CPSF4L: variants seen among roughly 807,000 people sequenced by gnomAD.
CPSF4L encodes the protein putative cleavage and polyadenylation specificity factor subunit 4-like protein.
In CPSF4L, 18 loss-of-function variants were observed where a neutral mutation model predicts 24.0. The ratio of observed to expected loss-of-function variants is 0.75; its 90% CI spans 0.52 to 1.11. CPSF4L has a LOEUF of 1.11. CPSF4L is among the 50% of genes least tolerant of loss of function. The pLI is 0.00. For synonymous variants in CPSF4L, 72 were observed against 77.2 expected (o/e 0.93, Z 0.35); for missense variants, 211 against 221.8 (o/e 0.95, Z 0.31).
downstream of CPSF4L, chr17:73,247,743 T>G (rs2061971984): frequency 1.2e-5 from 2 of 167,744 alleles, no homozygotes; most frequent in Admixed American, 1.1e-4. Context: ...CCAAGAATTC[T>G]AACTCACATA....
intron 2 of CPSF4L, 33 bp from the exon 3 acceptor site, chr17:73,257,866 C>T: frequency 6.5e-7 from 1 of 1,549,258 alleles, no homozygotes; most frequent in African/African-American, 1.4e-5. Flanking sequence ...CTGGGAGGCC[C>T]CTCATCCACA....
At chr17:73,250,376 G>C in intron 5 of CPSF4L, 8 of 1,514,614 alleles carry the variant, frequency 5.3e-6, no homozygotes, top group Non-Finnish European at 6.3e-6. Flanking sequence ...GGAACCATAG[G>C]AGATGGTTAG....
rs377019161 is a variant in CPSF4L, at chr17:73,257,595, G to A, written c.307+86C>T. ...CAGGGACATGTCCAGCCTCCTCTGC[G>A]TGCCCGCTCCTCTAGAAACCTTCCC... is the stretch of plus-strand genomic sequence containing the variant. On this transcript the variant is annotated intron_variant, in intron 3 of 5. Coordinates refer to ENST00000344935, the MANE Select transcript of CPSF4L (RefSeq NM_001129885.1). 1.0e-4 allele frequency: 144 copies of A among 1,397,580 alleles called. 1 individual carries two copies. The South Asian group carries it at 1.5e-3, about 14-fold the overall frequency. 86.6% of individuals were successfully genotyped at this position (1,397,580 alleles called of 1,614,324 possible).
At chr17:73,252,334 G>A (rs369409450) in intron 5 of CPSF4L, among the ~76,000 whole-genome samples, 26 of 152,194 alleles carry the variant, frequency 1.7e-4, no homozygotes, top group African/African-American at 4.1e-4. Flanking sequence ...TAGCCAGGGC[G>A]TGAGGGAGAA....
At chr17:73,245,385 C>A, downstream of CPSF4L, 1 of 1,249,256 alleles carries the variant, frequency 8.0e-7, no homozygotes, top group Non-Finnish European at 1.0e-6. Context: ...ATAGACAGAT[C>A]TGGTTCTGTC....
rs1229264527 is a variant in CPSF4L, at chr17:73,260,996, G to A, written c.104-13C>T. ...GCTGAGGCCGACTCTGGAAGGAGAAGAGGGAACGGAGAAGGTAGCTTCCCC... is the reference window on the plus strand; with the variant it reads ...GCTGAGGCCGACTCTGGAAGGAGAAAAGGGAACGGAGAAGGTAGCTTCCCC... On this transcript the variant is annotated splice_polypyrimidine_tract_variant and intron_variant, in intron 1 of 5. Coordinates refer to ENST00000344935, the MANE Select transcript of CPSF4L (RefSeq NM_001129885.1). 2 of 1,549,136 alleles carry A rather than the reference G, an allele frequency of 1.3e-6. No individual in the cohort carries two copies. The highest frequency in any genetic ancestry group is 1.7e-6 in the Non-Finnish European group (2 of 1,145,370).
chr17:73,260,621 G>T (rs542492586), intron 2 of CPSF4L, among the ~76,000 whole-genome samples: 2 of 152,224 alleles, frequency 1.3e-5, no homozygotes, highest in Non-Finnish European at 2.9e-5. Context: ...GCAAAAATTA[G>T]CCGGGCTTGG....
In CPSF4L at chr17:73,261,389, T is replaced by C. The variant is rs369379858; in HGVS notation, c.103+327A>G. Among the ~76,000 whole-genome samples, 908 of 152,084 alleles carry C rather than the reference T, an allele frequency of 6.0e-3. 13 individuals are homozygous for C. Among genetic ancestry groups the C allele is most frequent in the East Asian group, 0.019 (100 of 5,168 alleles). On this transcript the variant is annotated intron_variant, in intron 1 of 5. Coordinates refer to ENST00000344935, the MANE Select transcript of CPSF4L (RefSeq NM_001129885.1). ...AAGGAAGGGGGAGGGAGGCTGGGCG[T>C]GGTGGCTCATGCCTGTAATCCCAGC...
At chr17:73,245,207 A>G (rs1244399615), downstream of CPSF4L, 1 of 1,613,408 alleles carries the variant, frequency 6.2e-7, no homozygotes, top group African/African-American at 1.3e-5. Flanking sequence ...CCTGGACATC[A>G]CTTAAAGCTC....
intron 3 of CPSF4L, among the ~76,000 whole-genome samples, chr17:73,255,434 G>A (rs1347811437): frequency 6.6e-6 from 1 of 151,500 alleles, no homozygotes. Flanking sequence ...TTGAACCTGG[G>A]AGGCAGAGGT....
chr17:73,246,128 G>A (rs919161274), downstream of CPSF4L, among the ~76,000 whole-genome samples: 6 of 152,142 alleles, frequency 3.9e-5, no homozygotes, highest in Non-Finnish European at 8.8e-5. Context: ...CCTTTCTAAC[G>A]TAGAGGGTTA....
downstream of CPSF4L, chr17:73,245,143 T>G (rs2061930254): frequency 6.2e-7 from 1 of 1,612,998 alleles, no homozygotes; most frequent in African/African-American, 1.3e-5. Context: ...CTCGGATCCT[T>G]ACATTTGTCT....
At chr17:73,248,570 C>T in intron 5 of CPSF4L, 34 bp from the exon 6 acceptor site, 1 of 1,549,594 alleles carries the variant, frequency 6.5e-7, no homozygotes, top group Non-Finnish European at 8.7e-7. Flanking sequence ...CGTGAGAATC[C>T]ATACACGTAA....
In CPSF4L at chr17:73,261,766, T is replaced by A. The variant is rs2145286072; in HGVS notation, c.53A>T (p.Asp18Val). The change falls in exon 1 of 6, where the codon GAT (aspartate) becomes GTT (valine). Residue 18 changes from aspartate to valine, a missense_variant. Coordinates refer to ENST00000344935, the MANE Select transcript of CPSF4L (RefSeq NM_001129885.1). ...CCCAGTGCCCTTCTGCATCTCGACA[T>A]CCTTCTCGAAGGCAAAGGTGAACCG... is the stretch of plus-strand genomic sequence containing the variant. The part of the protein sequence containing the change: ...LERFTFAFEK[D>V]VEMQKGTGLL... The A allele has an allele frequency of 6.4e-7, 1 of 1,551,770 alleles. No homozygotes were observed. Among genetic ancestry groups the A allele is most frequent in the Non-Finnish European group, 8.7e-7 (1 of 1,146,986 alleles).
the CPSF4L span, chr17:73,243,329 T>C: frequency 2.8e-6 from 1 of 355,374 alleles, no homozygotes; most frequent in African/African-American, 2.1e-5. Context: ...TAATTTTGTA[T>C]TTTTAGTAGA....
At chr17:73,250,184 G>C in intron 5 of CPSF4L, 8 of 1,507,380 alleles carry the variant, frequency 5.3e-6, no homozygotes, top group Non-Finnish European at 7.2e-6. Context: ...TGTGGAACTT[G>C]GGAAACAGAA....
At chr17:73,246,899 G>T (rs2061958234), downstream of CPSF4L, among the ~76,000 whole-genome samples, 1 of 152,144 alleles carries the variant, frequency 6.6e-6, no homozygotes, top group Admixed American at 6.5e-5. Flanking sequence ...ATGCTCTTTA[G>T]GAGAGATGCT....
Position 73,257,772 on chromosome 17 carries a change from G to A in CPSF4L, c.216C>T (p.Leu72=), listed in dbSNP as rs1209652280. The change falls in exon 3 of 6, where the codon CTC becomes CTT. Residue 72 remains leucine (L), a synonymous_variant. Transcript: ENST00000344935. ...GATCACCCTTCTTGCAGAGCCCCCGGAGCCAGTGCTTGCATACCACCATCT... is the reference window on the plus strand; with the variant it reads ...GATCACCCTTCTTGCAGAGCCCCCGAAGCCAGTGCTTGCATACCACCATCT... ...GEKMVVCKHW[L]RGLCKKGDHC... is the part of the protein sequence containing the mutation. 1 of 1,551,638 alleles carries A rather than the reference G, an allele frequency of 6.4e-7. No homozygotes were observed. Among genetic ancestry groups the A allele is most frequent in the East Asian group, 2.4e-5 (1 of 40,894 alleles).
downstream of CPSF4L, chr17:73,245,077 C>G (rs2061928192): frequency 1.6e-6 from 2 of 1,250,650 alleles, no homozygotes; most frequent in Non-Finnish European, 2.3e-6. Context: ...ACTTATAAAA[C>G]AAAAAGAGAA....
Sources: allele counts gnomAD v4.1 joint callset (sites outside exome capture counted in the v4.1 genomes callset), GRCh38; gene constraint gnomAD v4.1.1; transcripts MANE v1.5; gene names NCBI Gene and HGNC (gene_info 2026-07-23, HGNC 2026-07-21).